BSX: variants seen among roughly 807,000 people sequenced by gnomAD.
BSX encodes the protein brain specific homeobox, also known as brain-specific homeobox protein homolog.
A neutral mutation model predicts 16.9 loss-of-function variants in BSX; 12 were observed. That is an observed-to-expected ratio of 0.71 (90% CI 0.46 to 1.15). The LOEUF (loss-of-function observed/expected upper bound fraction) is 1.15. Ranked by LOEUF, BSX falls within the 50% of genes most tolerant of loss-of-function variation. BSX has a pLI of 0.00. For synonymous variants in BSX, 160 were observed against 136.4 expected (o/e 1.17, Z -1.20); for missense variants, 292 against 311.8 (o/e 0.94, Z 0.48).
At chr11:122,979,006 A>G (rs1416179655) in intron 2 of BSX, among the ~76,000 whole-genome samples, 1 of 150,978 alleles carries the variant, frequency 6.6e-6, no homozygotes. Context: ...GGGTTTCACC[A>G]TATTGGTCAG....
chr11:122,981,731 G>A lies in BSX; in HGVS notation c.-60C>T. 23 of 1,499,770 alleles carry A rather than the reference G, an allele frequency of 1.5e-5. No individual in the cohort carries two copies. The South Asian group carries it at 1.6e-4, about 10-fold the overall frequency. The allele number at this position is 1,499,770 out of a possible 1,614,324, so 92.9% of individuals were successfully genotyped here. ...GGACGAAGTGGAGGACGCAGGCAGA[G>A]TCTCCAAGCCTGCTCGAAAGCCGGC... On this transcript the variant is annotated 5_prime_UTR_variant, in exon 1 of 3. Transcript: ENST00000343035.
rs981466165 is a variant in BSX, at chr11:122,979,178, C to T, written c.459+83G>A. 3 of 1,301,974 alleles carry T rather than the reference C, an allele frequency of 2.3e-6. No individual in the cohort carries two copies. The African/African-American group carries it at 4.5e-5, about 19-fold the overall frequency. The allele number at this position is 1,301,974 out of a possible 1,614,324, so 80.7% of individuals were successfully genotyped here. ...TCAGCGGGGTCTATTTCTACTCGAA[C>T]TCCACAAGGTCCCGAAGGTATTAAG... On this transcript the variant is annotated intron_variant, in intron 2 of 2. Transcript: ENST00000343035.
chr11:122,977,677 TC>T lies in BSX; in HGVS notation c.673del (p.Glu225SerfsTer17). The T allele has an allele frequency of 6.2e-7, 1 of 1,610,746 alleles. No homozygotes were observed. ...GAGCACGTGCGGCCCTGAGCCCAGC[TC>T]CCCCTCGTCTCCAATGTCCACCTCG... Reference protein sequence around the residue: ...EDEVDIGDEGELGSGPHVL With the variant: ...EDEVDIGDEGXLGSGPHVL On this transcript the variant is annotated frameshift_variant, in exon 3 of 3. Transcript: ENST00000343035. LOFTEE classifies it high-confidence loss of function. This position sits in a 1 kb window ranked among gnomAD's most constrained non-coding sequence, Gnocchi z 4.5.
In BSX at chr11:122,981,467, C is replaced by T. The variant is rs1864569991; in HGVS notation, c.205G>A (p.Ala69Thr). ...TCTCCCTTATGCAGAGGGTGATGGG[C>T]GTGAGGAGCCAAGAGGGTGGGTGTG... ...MPTPTLLAPH[A>T]HHPLHKGDHH... The change falls in exon 1 of 3, where the codon GCC becomes ACC. Residue 69 changes from alanine (A) to threonine (T), a missense_variant. Ala to Thr is a moderately conservative substitution (Grantham distance 58). Coordinates refer to ENST00000343035, the MANE Select transcript of BSX (RefSeq NM_001098169.2). The T allele has an allele frequency of 1.3e-6, 2 of 1,574,530 alleles. No individual in the cohort carries two copies. The highest frequency in any genetic ancestry group is 1.7e-6 in the Non-Finnish European group (2 of 1,159,600).
intron 1 of BSX, 85 bp downstream of exon 1, chr11:122,981,325 T>C (rs1864565778): frequency 5.2e-6 from 7 of 1,338,406 alleles, no homozygotes; most frequent in Non-Finnish European, 6.0e-6. Context: ...CAGTCTGGCC[T>C]TTCCTTGACT....
At chr11:122,978,011 A>G in intron 2 of BSX, 120 bp from the exon 3 acceptor site, 2 of 1,212,830 alleles carry the variant, frequency 1.6e-6, no homozygotes, top group South Asian at 1.3e-5. Context: ...GATAGCCTCA[A>G]CTGCTCATAA....
At position 122,979,349 on chromosome 11, in the gene BSX, C is replaced by T; in HGVS notation, c.371G>A (p.Gly124Asp). Residue 124 changes from glycine (G) to aspartate (D), a missense_variant, in exon 2 of 3, where the codon GGC becomes GAC. This residue lies in a region of BSX where 176 missense variants were observed against 187.2 expected (regional missense o/e 0.94). Coordinates refer to ENST00000343035, the MANE Select transcript of BSX (RefSeq NM_001098169.2). ...CTGGATCTCGAACCTCTTCTCCAAG[C>T]CCGAGAGCTGCGAGTCAGAGAAAAC... ...RTVFSDSQLS[G>D]LEKRFEIQRY... The T allele has an allele frequency of 6.2e-7, 1 of 1,614,158 alleles. No individual in the cohort carries two copies.
rs576258778 is a variant in BSX at position 122,981,667 on chromosome 11, T to C, written c.5A>G (p.Asn2Ser). ...GTGTAGAGGAGAGGTGAAGTTGAGA[T>C]TCATCTTGAGCGGAGCACCTGCCAC... M[N>S]LNFTSPLHPA... Residue 2 changes from asparagine to serine, a missense_variant, in exon 1 of 3, where the codon AAT becomes AGT. Physicochemically the swap from Asn to Ser is conservative, Grantham distance 46. Coordinates refer to ENST00000343035, the MANE Select transcript of BSX (RefSeq NM_001098169.2). 5 of 1,580,012 alleles carry C rather than the reference T, an allele frequency of 3.2e-6. No individual in the cohort carries two copies. The East Asian group carries it at 9.3e-5, about 29-fold the overall frequency.
Position 122,981,689 on chromosome 11 carries a change from C to A in BSX, c.-18G>T. ...AGATTCATCTTGAGCGGAGCACCTG[C>A]CACAGGACAAGGGCCGGGACGAAGT... On this transcript the variant is annotated 5_prime_UTR_variant, in exon 1 of 3. Coordinates refer to ENST00000343035, the MANE Select transcript of BSX (RefSeq NM_001098169.2). 6.4e-7 allele frequency: 1 copy of A among 1,573,370 alleles called. No individual in the cohort carries two copies.
intron 2 of BSX, among the ~76,000 whole-genome samples, chr11:122,978,175 CTT>C (rs1190640080): frequency 8.5e-5 from 13 of 152,216 alleles, no homozygotes; most frequent in African/African-American, 3.1e-4. Context: ...GGGCAAGTCT[CTT>C]TTACGCTCAG....
intron 1 of BSX, among the ~76,000 whole-genome samples, chr11:122,980,932 T>C (rs1347092083): frequency 1.3e-5 from 2 of 152,292 alleles, no homozygotes; most frequent in East Asian, 3.9e-4. Flanking sequence ...CAGCGGTATC[T>C]GCAAATGCTC....
At chr11:122,980,683 A>G (rs1029412343) in intron 1 of BSX, among the ~76,000 whole-genome samples, 2 of 152,168 alleles carry the variant, frequency 1.3e-5, no homozygotes, top group African/African-American at 4.8e-5. Context: ...CCTGTCCCAA[A>G]CAGACTTTGC....
At chr11:122,980,447 G>A (rs11218912) in intron 1 of BSX, among the ~76,000 whole-genome samples, 51,546 of 151,938 alleles carry the variant, frequency 0.34, 9,277 homozygotes, top group Non-Finnish European at 0.41. Context: ...ATGCGGACCT[G>A]GATTTACAAA....
At chr11:122,979,904 C>T (rs143792149) in intron 1 of BSX, among the ~76,000 whole-genome samples, 13 of 152,170 alleles carry the variant, frequency 8.5e-5, no homozygotes, top group Non-Finnish European at 1.8e-4. Flanking sequence ...TGATGACACT[C>T]ATTGCTGTTC....
rs777147107 is a variant in BSX at position 122,977,602 on chromosome 11, GC to G, written c.*46del. The G allele has an allele frequency of 1.3e-5, 21 of 1,565,600 alleles. No homozygotes were observed. Among genetic ancestry groups the G allele is most frequent in the Non-Finnish European group, 1.6e-5 (19 of 1,165,676 alleles). On this transcript the variant is annotated 3_prime_UTR_variant, in exon 3 of 3. Transcript: ENST00000343035. This position sits in a 1 kb window ranked among gnomAD's most constrained non-coding sequence, Gnocchi z 4.5. ...CCGGTCCAGGAGGGAACCGCGCTCGGCCCCGCAGTCTCCTCCCCTGCCTACT... is the reference window on the plus strand; with the variant it reads ...CCGGTCCAGGAGGGAACCGCGCTCGGCCCGCAGTCTCCTCCCCTGCCTACT...
chr11:122,979,165 A>C, intron 2 of BSX, 96 bp downstream of exon 2: 2 of 1,191,426 alleles, frequency 1.7e-6, no homozygotes, highest in Non-Finnish European at 2.4e-6. Context: ...AGCGGGGTCT[A>C]TTTCTACTCG....
chr11:122,978,052 C>T (rs1864520101), intron 2 of BSX, among the ~76,000 whole-genome samples, 161 bp from the exon 3 acceptor site: 1 of 152,222 alleles, frequency 6.6e-6, no homozygotes. Flanking sequence ...GAGAATCGAA[C>T]AGTCTGAGGC....
chr11:122,979,782 C>T (rs1250198913), intron 1 of BSX, among the ~76,000 whole-genome samples: 3 of 152,066 alleles, frequency 2.0e-5, no homozygotes, highest in Non-Finnish European at 4.4e-5. Context: ...GAGAGACTTC[C>T]GTAGGGTCGG....
At position 122,977,702 on chromosome 11, in the gene BSX, C is replaced by A. The variant is rs765939808; in HGVS notation, c.649G>T (p.Glu217Ter). 6.2e-7 allele frequency: 1 copy of A among 1,612,768 alleles called. No homozygotes were observed. The highest frequency in any genetic ancestry group is 1.1e-5 in the South Asian group (1 of 91,050). The change falls in exon 3 of 3, where the codon GAG becomes TAG. Residue 217 changes from glutamate (E) to a stop codon, truncating the protein, a stop_gained. Transcript: ENST00000343035. LOFTEE classifies it high-confidence loss of function. This position sits in a 1 kb window ranked among gnomAD's most constrained non-coding sequence, Gnocchi z 4.5. The stretch of plus-strand genomic sequence containing the variant: ...TCCCCCTCGTCTCCAATGTCCACCT[C>A]GTCCTCTGGCTCGGTCAGCACGAAG... ...GPFVLTEPED[E>*]VDIGDEGELG...
Sources: gnomAD v4.1 joint callset for allele counts (sites outside exome capture counted in the v4.1 genomes callset) on GRCh38, gnomAD v4.1.1 for gene constraint, gnomAD v4.1.1 regional missense constraint, Gnocchi (gnomAD v3.1) non-coding constraint, MANE v1.5 for transcripts, NCBI Gene and HGNC (gene_info 2026-07-23, HGNC 2026-07-21) for gene names.